The following KLC2 variants were observed in gnomAD, a reference collection of about 807,000 sequenced individuals.
KLC2 encodes the protein KLC 2.
In KLC2, 35 loss-of-function variants were observed where a neutral mutation model predicts 75.1. The observed-to-expected ratio is 0.47, with a 90% confidence interval of 0.36 to 0.62. KLC2 has a LOEUF of 0.62. Ranked by LOEUF, KLC2 falls within the 20% of genes least tolerant of loss-of-function variation. The pLI is 0.00. For missense variants in KLC2, 611 were observed against 833.2 expected (o/e 0.73, Z 3.28); for synonymous variants, 314 against 336.7 (o/e 0.93, Z 0.74).
At chr11:66,262,304 T>C in intron 4 of KLC2, 112 bp downstream of exon 4, 1 of 805,294 alleles carries the variant, frequency 1.2e-6, no homozygotes, top group Non-Finnish European at 2.1e-6. Context: ...CATGACATCC[T>C]AGTGTGTTAG....
At chr11:66,256,359 G>A (rs117611606), upstream of KLC2, among the ~76,000 whole-genome samples, 8,757 of 152,252 alleles carry the variant, frequency 0.058, 396 homozygotes, top group Non-Finnish European at 0.078. Context: ...CGAGGCCAAG[G>A]TGAGTGGATC....
Position 66,262,960 on chromosome 11 carries a change from G to A in KLC2, c.676G>A (p.Glu226Lys), listed in dbSNP as rs771930616. ...TGTGCCACTCTGCAAGCAGGCACTCGAAGACCTGGAGAAGACGTCAGGCCA... is the reference window on the plus strand; with the variant it reads ...TGTGCCACTCTGCAAGCAGGCACTCAAAGACCTGGAGAAGACGTCAGGCCA... ...VAVPLCKQAL[E>K]DLEKTSGHDH... The change falls in exon 5 of 16, where the codon GAA becomes AAA. Residue 226 changes from glutamate (E) to lysine (K), a missense_variant. Transcript: ENST00000394067. The A allele has an allele frequency of 3.7e-6, 6 of 1,614,002 alleles. No homozygotes were observed. Among genetic ancestry groups the A allele is most frequent in the South Asian group, 1.1e-5 (1 of 91,062 alleles).
At chr11:66,248,879 T>C in the KLC2 span, among the ~76,000 whole-genome samples, 4 of 152,250 alleles carry the variant, frequency 2.6e-5, no homozygotes, top group Non-Finnish European at 5.9e-5. Context: ...ACTACAGGCA[T>C]GTGTCATTAC....
Position 66,267,854 on chromosome 11 carries a change from A to C in KLC2, c.*898A>C. ...TTGCTGTAGAAATAAAGACGGTTTAAATCTGAGCTGGGCTTGTTTTGAGAC... is the reference window on the plus strand; with the variant it reads ...TTGCTGTAGAAATAAAGACGGTTTACATCTGAGCTGGGCTTGTTTTGAGAC... On this transcript the variant is annotated 3_prime_UTR_variant, in exon 16 of 16. Transcript: ENST00000394067. The C allele has an allele frequency of 2.4e-6, 1 of 422,986 alleles. No homozygotes were observed. Among genetic ancestry groups the C allele is most frequent in the South Asian group, 7.8e-5 (1 of 12,746 alleles). The allele number at this position is 422,986 out of a possible 1,614,324, so 26.2% of individuals were successfully genotyped here.
the KLC2 span, chr11:66,246,328 T>G: frequency 1.3e-5 from 2 of 152,160 alleles, no homozygotes; most frequent in African/African-American, 4.8e-5. Flanking sequence ...GTGGGACAAG[T>G]AGACTTGGAT....
At chr11:66,250,277 C>T in the KLC2 span, among the ~76,000 whole-genome samples, 2 of 147,734 alleles carry the variant, frequency 1.4e-5, no homozygotes, top group South Asian at 2.4e-4. Flanking sequence ...GACAAAGACC[C>T]GAGCCGCCGG....
chr11:66,262,084 T>C, intron 3 of KLC2, 39 bp from the exon 4 acceptor site: 1 of 1,603,920 alleles, frequency 6.2e-7, no homozygotes. Flanking sequence ...GGCTGCCCTG[T>C]GCCTCCTTCC....
In KLC2 at chr11:66,267,780, G is replaced by C; in HGVS notation, c.*824G>C. 2.2e-6 allele frequency: 1 copy of C among 456,278 alleles called. No homozygotes were observed. Among genetic ancestry groups the C allele is most frequent in the Non-Finnish European group, 3.8e-6 (1 of 261,160 alleles). 28.3% of individuals were successfully genotyped at this position (456,278 alleles called of 1,614,324 possible). ...CGGCGACGGTCCCCTGGTGGCAGGA[G>C]GGGCTCCCCCTGTTGCGGGTGAGGC... On this transcript the variant is annotated 3_prime_UTR_variant, in exon 16 of 16. Coordinates refer to ENST00000394067, the MANE Select transcript of KLC2 (RefSeq NM_001318734.2).
At chr11:66,263,581 G>A (rs1424135431) in intron 5 of KLC2, 79 bp from the exon 6 acceptor site, 1 of 975,898 alleles carries the variant, frequency 1.0e-6, no homozygotes, top group Non-Finnish European at 1.6e-6. Context: ...GAGTACAGGA[G>A]TGACCACAGG....
At chr11:66,245,535 G>C in the KLC2 span, among the ~76,000 whole-genome samples, 2 of 152,258 alleles carry the variant, frequency 1.3e-5, no homozygotes, top group South Asian at 2.1e-4. Flanking sequence ...GGCCAACATG[G>C]TGAAACCCCG....
upstream of KLC2, among the ~76,000 whole-genome samples, chr11:66,256,221 T>C (rs981366068): frequency 6.6e-6 from 1 of 151,334 alleles, no homozygotes; most frequent in Admixed American, 6.6e-5. Flanking sequence ...TGAGACCCTG[T>C]CTCTAAGAAA....
the KLC2 span, among the ~76,000 whole-genome samples, chr11:66,250,192 G>A: frequency 2.0e-5 from 3 of 152,092 alleles, no homozygotes; most frequent in African/African-American, 7.2e-5. Flanking sequence ...GTTAGCCTCT[G>A]TCTCTTCAGT....
At chr11:66,255,161 A>C (rs1361628129), upstream of KLC2, among the ~76,000 whole-genome samples, 8 of 152,220 alleles carry the variant, frequency 5.3e-5, no homozygotes, top group Non-Finnish European at 8.8e-5. Flanking sequence ...AGGCAGACTT[A>C]CCAAAATGCA....
chr11:66,261,422 GT>G, intron 2 of KLC2: 1 of 268,022 alleles, frequency 3.7e-6, no homozygotes, highest in Non-Finnish European at 7.1e-6. Flanking sequence ...AGAGGCTTGA[GT>G]ACAACCCAGG....
chr11:66,248,921 CG>C, the KLC2 span, among the ~76,000 whole-genome samples: 5 of 151,718 alleles, frequency 3.3e-5, no homozygotes, highest in Non-Finnish European at 7.4e-5. Context: ...TGTTTTCTTT[CG>C]TTTTTTTTGG....
the KLC2 span, among the ~76,000 whole-genome samples, chr11:66,249,678 C>T: frequency 6.6e-6 from 1 of 152,146 alleles, no homozygotes; most frequent in Non-Finnish European, 1.5e-5. Flanking sequence ...TCTAGAGCCT[C>T]CCATCTAACC....
At position 66,262,196 on chromosome 11, in the gene KLC2, C is replaced by T. The variant is rs199871952; in HGVS notation, c.529+4C>T. The T allele has an allele frequency of 2.5e-5, 41 of 1,612,168 alleles. No individual in the cohort carries two copies. The highest frequency in any genetic ancestry group is 8.3e-5 in the Admixed American group (5 of 60,016). On this transcript the variant is annotated splice_donor_region_variant and intron_variant, in intron 4 of 15. Transcript: ENST00000394067. Reference sequence around the variant, plus strand: ...AATGAGGATGAGCAGAGCCCAGGTGCGGATGGGCAGTTCTGGAGTGGGGGA... The same window carrying T: ...AATGAGGATGAGCAGAGCCCAGGTGTGGATGGGCAGTTCTGGAGTGGGGGA...
At chr11:66,262,228 G>A (rs201234694) in intron 4 of KLC2, 36 bp downstream of exon 4, 3 of 1,565,782 alleles carry the variant, frequency 1.9e-6, no homozygotes, top group Non-Finnish European at 2.6e-6. Flanking sequence ...GGGAAGGAAA[G>A]GTTGTGTGAA....
the KLC2 span, among the ~76,000 whole-genome samples, chr11:66,245,373 G>A: frequency 3.3e-5 from 5 of 152,176 alleles, no homozygotes; most frequent in African/African-American, 1.2e-4. Flanking sequence ...CCGAACTCAG[G>A]AGTTTGAGAC....
Sources: allele counts gnomAD v4.1 joint callset (sites outside exome capture counted in the v4.1 genomes callset), GRCh38; gene constraint gnomAD v4.1.1; transcripts MANE v1.5; gene names NCBI Gene and HGNC (gene_info 2026-07-23, HGNC 2026-07-21).